The following WNK3 variants were observed in gnomAD, a reference collection of about 807,000 sequenced individuals.
The protein encoded by WNK3 is WNK lysine deficient protein kinase 3, also known as serine/threonine-protein kinase WNK3.
WNK3 carries 18 observed loss-of-function variants against 116.7 expected under a neutral mutation model. The ratio of observed to expected loss-of-function variants is 0.15; its 90% CI spans 0.11 to 0.23. The LOEUF (loss-of-function observed/expected upper bound fraction) is 0.23. Among genes scored for constraint, WNK3 ranks in the 10% least tolerant of loss-of-function variants. The pLI is 1.00. For missense variants in WNK3, 993 were observed against 1,323.8 expected (o/e 0.75, Z 3.88); for synonymous variants, 404 against 469.4 (o/e 0.86, Z 1.80).
intron 22 of WNK3, among the ~76,000 whole-genome samples, chrX:54,222,002 C>T: frequency 9.0e-6 from 1 of 110,907 alleles, no homozygotes; most frequent in Non-Finnish European, 1.9e-5. Context: ...ATTAAAAATA[C>T]AAAAATTAGC....
chrX:54,253,557 G>A (rs113831269), intron 13 of WNK3, among the ~76,000 whole-genome samples: 2,318 of 110,917 alleles, frequency 0.021, 68 homozygotes, highest in African/African-American at 0.072. Flanking sequence ...ATGAGCCACT[G>A]TGCCCAGCAA....
At chrX:54,219,570 C>T (rs896721662) in intron 22 of WNK3, among the ~76,000 whole-genome samples, 29 of 100,154 alleles carry the variant, frequency 2.9e-4, no homozygotes, top group Non-Finnish European at 5.4e-4. Flanking sequence ...CCCAGCTACT[C>T]GGGAGGCTGA....
intron 22 of WNK3, among the ~76,000 whole-genome samples, chrX:54,208,358 T>G (rs1557143088): frequency 9.1e-6 from 1 of 109,802 alleles, no homozygotes; most frequent in African/African-American, 3.3e-5. Context: ...TCTCCTGACC[T>G]CGTGATCCAC....
At chrX:54,268,791 C>T (rs2068346480) in intron 10 of WNK3, among the ~76,000 whole-genome samples, 1 of 110,290 alleles carries the variant, frequency 9.1e-6, no homozygotes, top group Non-Finnish European at 1.9e-5. Context: ...TTCATACTAA[C>T]ATAAATAAAT....
intron 2 of WNK3, among the ~76,000 whole-genome samples, chrX:54,331,666 T>A (rs2069172757): frequency 9.0e-6 from 1 of 111,436 alleles, no homozygotes; most frequent in Non-Finnish European, 1.9e-5. Flanking sequence ...TTCAAGGGAC[T>A]CCCTAAATTA....
At chrX:54,237,860 T>A (rs2067980552) in intron 19 of WNK3, among the ~76,000 whole-genome samples, 2 of 111,936 alleles carry the variant, frequency 1.8e-5, no homozygotes, top group Admixed American at 1.9e-4. Flanking sequence ...TTTAGATTCA[T>A]CTTTACTGAT....
intron 20 of WNK3, among the ~76,000 whole-genome samples, chrX:54,235,524 T>G (rs1557149929): frequency 9.0e-6 from 1 of 111,219 alleles, no homozygotes; most frequent in East Asian, 2.8e-4. Flanking sequence ...TGACCTCAGG[T>G]GATCCACCCG....
At chrX:54,226,831 C>G (rs1557147982) in intron 22 of WNK3, among the ~76,000 whole-genome samples, 3 of 111,921 alleles carry the variant, frequency 2.7e-5, no homozygotes, top group Non-Finnish European at 5.6e-5. Context: ...CGGAGTGAGA[C>G]TCTATCTCAA....
intron 22 of WNK3, among the ~76,000 whole-genome samples, chrX:54,207,300 C>T (rs1557142846): frequency 9.0e-6 from 1 of 111,023 alleles, no homozygotes; most frequent in Admixed American, 9.7e-5. Flanking sequence ...TAAACACTAA[C>T]AGAAACATGC....
chrX:54,248,205 G>A (rs2068092118), intron 17 of WNK3, among the ~76,000 whole-genome samples: 1 of 108,644 alleles, frequency 9.2e-6, no homozygotes, highest in Non-Finnish European at 1.9e-5. Flanking sequence ...CAGCCTGGGC[G>A]ACAGAGCAAG....
intron 1 of WNK3, among the ~76,000 whole-genome samples, chrX:54,340,219 G>C (rs1557176119): frequency 9.0e-6 from 1 of 111,545 alleles, no homozygotes; most frequent in Non-Finnish European, 1.9e-5. Context: ...GTGCTTCAAA[G>C]GATACCTTCA....
chrX:54,341,874 T>C (rs782379773), intron 1 of WNK3, among the ~76,000 whole-genome samples: 56 of 112,049 alleles, frequency 5.0e-4, no homozygotes, highest in African/African-American at 1.7e-3. Context: ...GTAATCAAGA[T>C]TTTACAACTC....
intron 6 of WNK3, among the ~76,000 whole-genome samples, chrX:54,301,205 T>A (rs1474581095): frequency 2.1e-5 from 2 of 95,625 alleles, no homozygotes; most frequent in Non-Finnish European, 4.1e-5. Flanking sequence ...ATCGTACCAC[T>A]GCACTTCAGC....
At chrX:54,343,713 T>A (rs1225925049) in intron 1 of WNK3, 3 of 110,460 alleles carry the variant, frequency 2.7e-5, no homozygotes, top group Non-Finnish European at 5.7e-5. Context: ...CCAGGCTTAA[T>A]TGCAGTGGTG....
At chrX:54,331,107 T>C (rs2069165320) in intron 2 of WNK3, among the ~76,000 whole-genome samples, 1 of 110,080 alleles carries the variant, frequency 9.1e-6, no homozygotes, top group Non-Finnish European at 1.9e-5. Context: ...AGCTAATGGA[T>C]GCTGGGCTAA....
At chrX:54,355,174 A>G (rs1283715178) in intron 1 of WNK3, among the ~76,000 whole-genome samples, 1 of 111,661 alleles carries the variant, frequency 9.0e-6, no homozygotes, top group Non-Finnish European at 1.9e-5. Context: ...CCGGCTCAGC[A>G]ATGAACAATA....
upstream of WNK3, among the ~76,000 whole-genome samples, chrX:54,358,209 C>T (rs1293127913): frequency 9.0e-6 from 1 of 111,144 alleles, no homozygotes; most frequent in Non-Finnish European, 1.9e-5. Flanking sequence ...CCCCCCTCGG[C>T]GCCGCGGGAG....
At chrX:54,309,039 T>A in intron 4 of WNK3, 56 bp downstream of exon 4, 1 of 1,035,997 alleles carries the variant, frequency 9.7e-7, no homozygotes, top group Non-Finnish European at 1.3e-6. Flanking sequence ...GTTCTAGACC[T>A]ATACAATTGA....
chrX:54,203,704 C>A (rs1557142144), intron 22 of WNK3, among the ~76,000 whole-genome samples: 1 of 110,400 alleles, frequency 9.1e-6, no homozygotes, highest in East Asian at 2.8e-4. Context: ...ATCATAAATG[C>A]CAACTGCTGA....
Sources: gnomAD v4.1 joint callset for allele counts (sites outside exome capture counted in the v4.1 genomes callset) on GRCh38, gnomAD v4.1.1 for gene constraint, MANE v1.5 for transcripts, NCBI Gene and HGNC (gene_info 2026-07-23, HGNC 2026-07-21) for gene names.